The following SAMMSON variants were observed in gnomAD, a reference collection of about 807,000 sequenced individuals.
SAMMSON encodes the protein survival associated mitochondrial melanoma specific oncogenic non-coding RNA.
chr3:70,285,096 G>A (rs1403428961), intron 6 of SAMMSON, among the ~76,000 whole-genome samples: 1 of 146,348 alleles, frequency 6.8e-6, no homozygotes, highest in Non-Finnish European at 1.5e-5. Context: ...TAGGGTACAT[G>A]TGCACATTGT....
At chr3:70,154,420 C>G (rs965884819) in intron 4 of SAMMSON, among the ~76,000 whole-genome samples, 1 of 152,000 alleles carries the variant, frequency 6.6e-6, no homozygotes, top group Non-Finnish European at 1.5e-5. Context: ...TAAGGCCAGG[C>G]TGTCTGGTCC....
chr3:70,170,807 G>A (rs1700937613), intron 4 of SAMMSON, among the ~76,000 whole-genome samples: 2 of 151,808 alleles, frequency 1.3e-5, no homozygotes, highest in South Asian at 2.1e-4. Flanking sequence ...AAAAATTAGC[G>A]AGTGCAGAGA....
In SAMMSON at chr3:70,090,914, C is replaced by T. The variant is rs534074267; in HGVS notation, n.507+19349C>T. Among the ~76,000 whole-genome samples, 3 of 152,196 alleles carry T rather than the reference C, an allele frequency of 2.0e-5. No homozygotes were observed. The East Asian group carries it at 5.8e-4, about 29-fold the overall frequency. On this transcript the variant is annotated intron_variant and non_coding_transcript_variant, in intron 4 of 9. Coordinates refer to ENST00000642114, the Ensembl canonical transcript of SAMMSON. ...CTTAGATAAATTTTGTATGCAGTAG[C>T]ATATTATTAGAAATCCTTTCTTCCT...
intron 3 of SAMMSON, among the ~76,000 whole-genome samples, chr3:70,045,111 T>TTA (rs1553712318): frequency 1.2e-5 from 1 of 86,366 alleles, no homozygotes; most frequent in African/African-American, 3.2e-5. Context: ...ATATTATAAT[T>TTA]TATATATATT....
intron 3 of SAMMSON, among the ~76,000 whole-genome samples, chr3:70,020,585 G>T (rs1172513334): frequency 6.6e-6 from 1 of 152,098 alleles, no homozygotes; most frequent in Non-Finnish European, 1.5e-5. Flanking sequence ...TGGGATGGCA[G>T]AGCCTGCAAA....
chr3:70,028,188 TTTC>T (rs1200863334), intron 3 of SAMMSON, among the ~76,000 whole-genome samples: 2 of 142,362 alleles, frequency 1.4e-5, no homozygotes, highest in African/African-American at 5.8e-5. Context: ...CCTTCCTTCC[TTTC>T]TTTCTTTCTT....
intron 4 of SAMMSON, among the ~76,000 whole-genome samples, chr3:70,189,296 C>T (rs1453969328): frequency 6.6e-6 from 1 of 152,146 alleles, no homozygotes; most frequent in East Asian, 1.9e-4. Context: ...GTAACTCTCT[C>T]CCTCATGCAG....
intron 3 of SAMMSON, among the ~76,000 whole-genome samples, chr3:70,026,430 T>C (rs1357703197): frequency 6.6e-6 from 1 of 152,208 alleles, no homozygotes; most frequent in Non-Finnish European, 1.5e-5. Flanking sequence ...TTCCTCTATG[T>C]TTCTTTCCCA....
At chr3:70,006,156 G>C (rs765109670) in intron 1 of SAMMSON, among the ~76,000 whole-genome samples, 5 of 152,100 alleles carry the variant, frequency 3.3e-5, no homozygotes, top group Non-Finnish European at 7.4e-5. Context: ...TCAGTTAAAT[G>C]ACTAAGATAA....
At chr3:70,004,081 G>A (rs1031260795) in intron 1 of SAMMSON, among the ~76,000 whole-genome samples, 2 of 151,654 alleles carry the variant, frequency 1.3e-5, no homozygotes, top group East Asian at 3.9e-4. Context: ...CATATAACTG[G>A]GGTTAAAATA....
chr3:70,058,376 T>C (rs2067175422), intron 3 of SAMMSON, among the ~76,000 whole-genome samples: 1 of 152,000 alleles, frequency 6.6e-6, no homozygotes, highest in Admixed American at 6.6e-5. Flanking sequence ...AAGTTCCAGC[T>C]GATTCAGAAC....
chr3:70,347,331 G>C (rs1702759392), intron 7 of SAMMSON, among the ~76,000 whole-genome samples: 1 of 152,146 alleles, frequency 6.6e-6, no homozygotes, highest in Non-Finnish European at 1.5e-5. Flanking sequence ...ACAAATCAAG[G>C]GAGGGCAATT....
chr3:70,029,173 A>G (rs1313796476), intron 3 of SAMMSON, among the ~76,000 whole-genome samples: 1 of 152,198 alleles, frequency 6.6e-6, no homozygotes, highest in Non-Finnish European at 1.5e-5. Context: ...TTCATTGCCC[A>G]GTGCATTGGT....
intron 7 of SAMMSON, among the ~76,000 whole-genome samples, chr3:70,297,530 T>C (rs1044665047): frequency 1.1e-4 from 17 of 152,140 alleles, no homozygotes; most frequent in African/African-American, 2.7e-4. Context: ...ATATGAAGGC[T>C]TATTATTGCA....
At chr3:70,272,805 T>G (rs573241633) in intron 6 of SAMMSON, among the ~76,000 whole-genome samples, 1 of 152,210 alleles carries the variant, frequency 6.6e-6, no homozygotes, top group Non-Finnish European at 1.5e-5. Context: ...GAATATTGCT[T>G]GTTTCACGAA....
Position 70,214,621 on chromosome 3 carries a change from T to TA in SAMMSON, n.508-34485dup, listed in dbSNP as rs35292113. Among the ~76,000 whole-genome samples the TA allele has an allele frequency of 2.4e-4, 36 of 150,336 alleles. No homozygotes were observed. The East Asian group carries it at 2.8e-3, about 11-fold the overall frequency. Reference sequence around the variant, plus strand: ...GCTGAAGTGGGCTTTTTTTTTTTTTTATCTAACTATTCTGGATAATTACTT... The same window carrying TA: ...GCTGAAGTGGGCTTTTTTTTTTTTTTAATCTAACTATTCTGGATAATTACTT... On this transcript the variant is annotated intron_variant and non_coding_transcript_variant, in intron 4 of 9. Coordinates refer to ENST00000642114, the Ensembl canonical transcript of SAMMSON.
rs187420841 is a variant in SAMMSON at position 70,235,711 on chromosome 3, A to G, written n.508-13396A>G. On this transcript the variant is annotated intron_variant and non_coding_transcript_variant, in intron 4 of 9. Transcript: ENST00000642114. ...TGTGTAAGGGTTCTGGTGGCAGACAAAGTTGGCATTCAAATCAGGCCATTG... is the reference window on the plus strand; with the variant it reads ...TGTGTAAGGGTTCTGGTGGCAGACAGAGTTGGCATTCAAATCAGGCCATTG... Among the ~76,000 whole-genome samples, 132 of 152,334 alleles carry G rather than the reference A, an allele frequency of 8.7e-4. 3 individuals are homozygous for G. The East Asian group carries it at 0.016, about 19-fold the overall frequency.
At chr3:70,080,806 C>T (rs1193424048) in intron 4 of SAMMSON, among the ~76,000 whole-genome samples, 2 of 151,288 alleles carry the variant, frequency 1.3e-5, no homozygotes, top group African/African-American at 2.4e-5. Flanking sequence ...ATCAATATAA[C>T]GATATTGCAA....
chr3:70,223,730 G>C (rs1701479682), intron 4 of SAMMSON, among the ~76,000 whole-genome samples: 1 of 152,138 alleles, frequency 6.6e-6, no homozygotes, highest in South Asian at 2.1e-4. Context: ...ACAGGACCAG[G>C]TCAGCTCCAA....
Sources: gnomAD v4.1 joint callset for allele counts (sites outside exome capture counted in the v4.1 genomes callset) on GRCh38, gnomAD v4.1.1 for gene constraint, MANE v1.5 for transcripts, NCBI Gene and HGNC (gene_info 2026-07-23, HGNC 2026-07-21) for gene names.